Variants in RRH observed in about 807,000 individuals in gnomAD.
RRH encodes the protein retinal pigment epithelium-derived rhodopsin homolog, also known as visual pigment-like receptor peropsin.
Under a neutral mutation model 33.1 loss-of-function variants are expected in RRH, and 36 were observed. The ratio of observed to expected loss-of-function variants is 1.09; its 90% confidence interval spans 0.83 to 1.44. The LOEUF is 1.44. Ranked by LOEUF, RRH falls within the 40% of genes most tolerant of loss-of-function variation. RRH has a pLI of 0.00. For missense variants in RRH, 393 were observed against 420.2 expected (o/e 0.94, Z 0.57); for synonymous variants, 124 against 140.2 (o/e 0.88, Z 0.82).
In RRH at chr4:109,844,588, A is replaced by T. The variant is rs1734046615; in HGVS notation, c.*391A>T. 1 of 157,278 alleles carries T rather than the reference A, an allele frequency of 6.4e-6. No homozygotes were observed. Among genetic ancestry groups the T allele is most frequent in the Admixed American group, 6.2e-5 (1 of 16,118 alleles). The allele number at this position is 157,278 out of a possible 1,614,324, so 9.7% of individuals were successfully genotyped here. On this transcript the variant is annotated 3_prime_UTR_variant, in exon 7 of 7. Transcript: ENST00000317735. Reference sequence around the variant, plus strand: ...GATAATTACTGAAATGAGTTGTTGGATGTTCCCAGTTAGAATAGAAAGCAT... The same window carrying T: ...GATAATTACTGAAATGAGTTGTTGGTTGTTCCCAGTTAGAATAGAAAGCAT...
At chr4:109,844,001 G>A (rs890382147) in intron 6 of RRH, 82 bp from the exon 7 acceptor site, 19 of 881,282 alleles carry the variant, frequency 2.2e-5, no homozygotes, top group African/African-American at 3.3e-5. Context: ...TGGCAGTAGT[G>A]GCATCTTAGC....
intron 5 of RRH, among the ~76,000 whole-genome samples, 184 bp from the exon 6 acceptor site, chr4:109,842,285 G>A (rs1226197634): frequency 2.0e-5 from 3 of 151,646 alleles, no homozygotes; most frequent in South Asian, 2.1e-4. Flanking sequence ...TATTATCATC[G>A]AGGACTTCAG....
intron 5 of RRH, 26 bp from the exon 6 acceptor site, chr4:109,842,443 C>T: frequency 6.2e-7 from 1 of 1,606,006 alleles, no homozygotes; most frequent in Non-Finnish European, 8.5e-7. Flanking sequence ...AGGTATTGGG[C>T]TTGGTGAATA....
At chr4:109,835,592 A>G in intron 3 of RRH, 127 bp downstream of exon 3, 1 of 757,344 alleles carries the variant, frequency 1.3e-6, no homozygotes, top group Non-Finnish European at 2.4e-6. Flanking sequence ...TCTGCCAATA[A>G]TTGTTCAAAT....
In RRH at chr4:109,836,098, G is replaced by A. The variant is rs1022939009; in HGVS notation, c.489G>A (p.Trp163Ter). Residue 163 changes from tryptophan (W) to a stop codon, truncating the protein, a stop_gained, in exon 4 of 7, where the codon TGG (tryptophan) becomes TGA (stop). Coordinates refer to ENST00000317735, the MANE Select transcript of RRH (RefSeq NM_006583.5). LOFTEE classifies it high-confidence loss of function. Reference protein sequence around the residue: ...LFWALMPIIGWASYAPDPTGA... With the variant: ...LFWALMPIIG The stretch of plus-strand genomic sequence containing the variant: ...GGGCTTTGATGCCTATCATAGGGTG[G>A]GCTAGTTATGCCCCAGATCCTACTG... 1 of 1,614,112 alleles carries A rather than the reference G, an allele frequency of 6.2e-7. No individual in the cohort carries two copies.
Position 109,844,915 on chromosome 4 carries a change from A to G in RRH, c.*718A>G, listed in dbSNP as rs1440998956. Among the ~76,000 whole-genome samples, 3 of 152,164 alleles carry G rather than the reference A, an allele frequency of 2.0e-5. No homozygotes were observed. The highest frequency in any genetic ancestry group is 4.4e-5 in the Non-Finnish European group (3 of 68,022). On this transcript the variant is annotated 3_prime_UTR_variant, in exon 7 of 7. Transcript: ENST00000317735. ...CAATTCTGTCTGGCATGTAGTAGGCACTCAATAAATATTTTTTCAATGTCA... is the reference window on the plus strand; with the variant it reads ...CAATTCTGTCTGGCATGTAGTAGGCGCTCAATAAATATTTTTTCAATGTCA...
intron 1 of RRH, 74 bp from the exon 2 acceptor site, chr4:109,833,065 A>C: frequency 8.2e-7 from 1 of 1,223,948 alleles, no homozygotes; most frequent in Non-Finnish European, 1.2e-6. Flanking sequence ...AAGGGGCTTA[A>C]ATATTTAATT....
chr4:109,832,802 G>T (rs982599700), intron 1 of RRH, among the ~76,000 whole-genome samples: 1 of 152,112 alleles, frequency 6.6e-6, no homozygotes, highest in Non-Finnish European at 1.5e-5. Context: ...AGAGGGCATG[G>T]TCAGTCATAT....
intron 1 of RRH, among the ~76,000 whole-genome samples, chr4:109,830,867 C>T (rs1451099474): frequency 3.9e-5 from 6 of 152,082 alleles, no homozygotes; most frequent in South Asian, 2.1e-4. Flanking sequence ...AGAGATTGCA[C>T]GGAAGTCACG....
chr4:109,833,364 T>C (rs1213386843), intron 2 of RRH, 35 bp downstream of exon 2: 1 of 1,505,916 alleles, frequency 6.6e-7, no homozygotes, highest in East Asian at 2.3e-5. Context: ...GCAAAATAAA[T>C]AGATCAAATA....
At chr4:109,833,038 G>A (rs1313733208) in intron 1 of RRH, 101 bp from the exon 2 acceptor site, 4 of 919,764 alleles carry the variant, frequency 4.3e-6, no homozygotes, top group Non-Finnish European at 7.0e-6. Context: ...AACTAAAATA[G>A]ATCTGTTATG....
chr4:109,831,827 G>A (rs984364533), intron 1 of RRH, among the ~76,000 whole-genome samples: 1 of 152,066 alleles, frequency 6.6e-6, no homozygotes, highest in African/African-American at 2.4e-5. Context: ...ACAAGTTTTC[G>A]GGAGGAGAAG....
rs1157600898 is a variant in RRH, at chr4:109,844,882, C to T, written c.*685C>T. On this transcript the variant is annotated 3_prime_UTR_variant, in exon 7 of 7. Transcript: ENST00000317735. Reference sequence around the variant, plus strand: ...TTTGTTCTTTGATGTATCCTTAGCACATATACCCAATTCTGTCTGGCATGT... The same window carrying T: ...TTTGTTCTTTGATGTATCCTTAGCATATATACCCAATTCTGTCTGGCATGT... Among the ~76,000 whole-genome samples the T allele has an allele frequency of 1.3e-5, 2 of 152,126 alleles. No homozygotes were observed. Among genetic ancestry groups the T allele is most frequent in the Non-Finnish European group, 2.9e-5 (2 of 68,020 alleles).
At chr4:109,828,712 T>A (rs1428544625) in intron 1 of RRH, among the ~76,000 whole-genome samples, 2 of 152,058 alleles carry the variant, frequency 1.3e-5, no homozygotes, top group Admixed American at 1.3e-4. Flanking sequence ...ATTGGAAAAC[T>A]CTTGAGTTTT....
At chr4:109,835,192 T>G (rs1450453525) in intron 2 of RRH, among the ~76,000 whole-genome samples, 174 bp from the exon 3 acceptor site, 1 of 152,248 alleles carries the variant, frequency 6.6e-6, no homozygotes, top group Non-Finnish European at 1.5e-5. Flanking sequence ...TACAAATTAC[T>G]TTCCATAAAT....
intron 2 of RRH, among the ~76,000 whole-genome samples, chr4:109,834,310 AT>A (rs944899995): frequency 5.0e-5 from 7 of 141,018 alleles, no homozygotes; most frequent in East Asian, 4.1e-4. Context: ...CTTTGTTGCC[AT>A]TTTTTTTCTT....
At chr4:109,837,391 T>G (rs771840041) in intron 4 of RRH, 46 bp from the exon 5 acceptor site, 15 of 1,511,516 alleles carry the variant, frequency 9.9e-6, no homozygotes, top group Admixed American at 5.0e-5. Context: ...CTTCCCCCAC[T>G]TAGGACATTA....
intron 5 of RRH, among the ~76,000 whole-genome samples, chr4:109,841,749 C>A (rs1192540424): frequency 6.6e-6 from 1 of 151,926 alleles, no homozygotes; most frequent in African/African-American, 2.4e-5. Flanking sequence ...GCCATTTTTT[C>A]CATTAAAAAT....
At chr4:109,829,511 C>A (rs1402438101) in intron 1 of RRH, among the ~76,000 whole-genome samples, 1 of 151,682 alleles carries the variant, frequency 6.6e-6, no homozygotes, top group Non-Finnish European at 1.5e-5. Flanking sequence ...TAGTTCTTAT[C>A]TCTGTAACAG....
Sources: gnomAD v4.1 joint callset for allele counts (sites outside exome capture counted in the v4.1 genomes callset) on GRCh38, gnomAD v4.1.1 for gene constraint, MANE v1.5 for transcripts, NCBI Gene and HGNC (gene_info 2026-07-23, HGNC 2026-07-21) for gene names.